The following CHTOP variants were observed in gnomAD, a reference collection of about 807,000 sequenced individuals.
The protein encoded by CHTOP is chromatin target of PRMT1.
Under a neutral mutation model 33.6 loss-of-function variants are expected in CHTOP, and 18 were observed. The ratio of observed to expected loss-of-function variants is 0.54; its 90% confidence interval spans 0.37 to 0.80. The LOEUF is 0.80. CHTOP is among the 30% of genes least tolerant of loss of function. The pLI is 0.00. For missense variants in CHTOP, 263 were observed against 336.8 expected, an observed-to-expected ratio of 0.78 and a Z score of 1.71; for synonymous variants, 117 against 127.7, an observed-to-expected ratio of 0.92 and a Z score of 0.56.
Position 153,636,453 on chromosome 1 carries a change from C to T in CHTOP, c.-17-119C>T, listed in dbSNP as rs1468643310. ...AATTTAAGCACTTGAAATGTGCCCT[C>T]GTGTGCTCTTTAGTCATCAGTGATA... On this transcript the variant is annotated intron_variant, in intron 1 of 5. Transcript: ENST00000368694. 2.8e-5 allele frequency: 18 copies of T among 653,386 alleles called. 1 individual carries two copies. Among genetic ancestry groups the T allele is most frequent in the African/African-American group, 1.7e-4 (9 of 54,540 alleles). 40.5% of individuals were successfully genotyped at this position (653,386 alleles called of 1,614,324 possible). A position where few individuals can be genotyped will look rare whatever the true frequency, so the allele number is the denominator to read the frequency against.
At position 153,645,503 on chromosome 1, in the gene CHTOP, G is replaced by A; in HGVS notation, c.*234G>A. 1 of 448,722 alleles carries A rather than the reference G, an allele frequency of 2.2e-6. No homozygotes were observed. Among genetic ancestry groups the A allele is most frequent in the Non-Finnish European group, 4.0e-6 (1 of 250,576 alleles). The allele number at this position is 448,722 out of a possible 1,614,324, so 27.8% of individuals were successfully genotyped here. On this transcript the variant is annotated 3_prime_UTR_variant, in exon 6 of 6. Transcript: ENST00000368694. ...TTTTTGTTTTTGTTTTTTTAGGGGG[G>A]AGGGGGGGTTTCCCCTCCTTTGCCC...
At chr1:153,644,606 A>G (rs1668739783) in intron 5 of CHTOP, among the ~76,000 whole-genome samples, 2 of 152,228 alleles carry the variant, frequency 1.3e-5, no homozygotes, top group Non-Finnish European at 1.5e-5. Flanking sequence ...ATGACTTTCC[A>G]GAAGGGTCTC....
chr1:153,643,034 G>A (rs1668684652), intron 4 of CHTOP, 193 bp from the exon 5 acceptor site: 3 of 639,646 alleles, frequency 4.7e-6, no homozygotes, highest in East Asian at 2.8e-5. Flanking sequence ...TTCCAAAAAT[G>A]GATTTGTGGT....
At chr1:153,636,735 A>G (rs1316268408) in intron 2 of CHTOP, 82 bp downstream of exon 2, 5 of 1,177,384 alleles carry the variant, frequency 4.2e-6, no homozygotes, top group Non-Finnish European at 5.0e-6. Flanking sequence ...CACAAAGCCA[A>G]TTTTAAGCTA....
Position 153,636,556 on chromosome 1 carries a change from G to T in CHTOP, c.-17-16G>T, listed in dbSNP as rs199856552. 3.1e-5 allele frequency: 49 copies of T among 1,600,936 alleles called. No homozygotes were observed. The highest frequency in any genetic ancestry group is 4.2e-5 in the Non-Finnish European group (49 of 1,169,526). On this transcript the variant is annotated splice_polypyrimidine_tract_variant and intron_variant, in intron 1 of 5. Transcript: ENST00000368694. ...CACTATTGTGATTTGCTCATTTTAC[G>T]TATTGTTCTTTGTAGATTCTCGGGA... is the stretch of plus-strand genomic sequence containing the variant.
chr1:153,636,761 C>T (rs749115166), intron 2 of CHTOP, 108 bp downstream of exon 2: 12 of 890,954 alleles, frequency 1.3e-5, no homozygotes, highest in Non-Finnish European at 2.0e-5. Context: ...CAACAGAAGG[C>T]TACAGACCTC....
intron 3 of CHTOP, among the ~76,000 whole-genome samples, chr1:153,641,553 GTCA>G (rs1436135423): frequency 4.6e-5 from 7 of 152,116 alleles, no homozygotes; most frequent in Non-Finnish European, 1.0e-4. Context: ...TTAATTTAAG[GTCA>G]TCATTGTTTT....
intron 3 of CHTOP, among the ~76,000 whole-genome samples, chr1:153,640,928 GA>G (rs1418845457): frequency 1.3e-5 from 2 of 152,194 alleles, no homozygotes; most frequent in African/African-American, 4.8e-5. Context: ...AATGGGTAAA[GA>G]ACTTCCCAGC....
At chr1:153,635,346 C>T (rs1354248003) in intron 1 of CHTOP, among the ~76,000 whole-genome samples, 1 of 148,948 alleles carries the variant, frequency 6.7e-6, no homozygotes, top group African/African-American at 2.5e-5. Context: ...GAAACGGGGT[C>T]TTACCATGTT....
intron 1 of CHTOP, among the ~76,000 whole-genome samples, chr1:153,635,646 C>T (rs1668354304): frequency 6.6e-6 from 1 of 151,796 alleles, no homozygotes; most frequent in African/African-American, 2.4e-5. Context: ...CGTGGAGAAA[C>T]CCCGTCTCTA....
Position 153,636,358 on chromosome 1 carries a change from G to C in CHTOP, c.-17-214G>C, listed in dbSNP as rs1047676452. ...AATCCTTTGAGGCCAGGAGATTACG[G>C]CTGCAGTGGCCACTGCATTCCAGCC... On this transcript the variant is annotated intron_variant, in intron 1 of 5. Coordinates refer to ENST00000368694, the MANE Select transcript of CHTOP (RefSeq NM_015607.4). Among the ~76,000 whole-genome samples the C allele has an allele frequency of 1.3e-5, 2 of 148,744 alleles. 1 individual carries two copies. The highest frequency in any genetic ancestry group is 5.0e-5 in the African/African-American group (2 of 40,206).
In CHTOP at chr1:153,634,751, C is replaced by T. The variant is rs376844412; in HGVS notation, c.-18+408C>T. 1.0e-4 allele frequency among the ~76,000 whole-genome samples: 13 copies of T among 128,894 alleles called. No individual in the cohort carries two copies. The South Asian group carries it at 1.8e-3, about 18-fold the overall frequency. The allele number at this position is 128,894 out of a possible 152,430, so 84.6% of individuals were successfully genotyped here. A position where few individuals can be genotyped will look rare whatever the true frequency, so the allele number is the denominator to read the frequency against. ...GAAAACCTTTCCTACTCCCCCAGAT[C>T]GTCAGTTTCTTGTTAAAGTCCCTAC... On this transcript the variant is annotated intron_variant, in intron 1 of 5. Coordinates refer to ENST00000368694, the MANE Select transcript of CHTOP (RefSeq NM_015607.4).
At position 153,645,137 on chromosome 1, in the gene CHTOP, C is replaced by T. The variant is rs201741052; in HGVS notation, c.615C>T (p.Ala205=). 16 of 1,614,068 alleles carry T rather than the reference C, an allele frequency of 9.9e-6. No individual in the cohort carries two copies. In the East Asian group the frequency reaches 2.9e-4, roughly 29 times the overall value. The change falls in exon 6 of 6, where the codon GCC becomes GCT. Residue 205 remains alanine, a synonymous_variant. Coordinates refer to ENST00000368694, the MANE Select transcript of CHTOP (RefSeq NM_015607.4). ...RGRGRGRGRG[A]LARPVLTKEQ... ...GAGGCCGTGGACGAGGGAGAGGTGC[C>T]CTTGCTCGCCCTGTATTGACCAAGG...
At chr1:153,644,236 T>C (rs1668724932) in intron 5 of CHTOP, 1 of 152,254 alleles carries the variant, frequency 6.6e-6, no homozygotes, top group South Asian at 2.1e-4. Context: ...GCTTGTTTTC[T>C]TCTCTCCCAT....
At chr1:153,637,927 A>G (rs1229578952) in intron 2 of CHTOP, 1 of 221,750 alleles carries the variant, frequency 4.5e-6, no homozygotes, top group Non-Finnish European at 9.2e-6. Flanking sequence ...ATTTGGCCTT[A>G]GAATGCACCT....
At chr1:153,637,995 C>T in intron 2 of CHTOP, 1 of 336,538 alleles carries the variant, frequency 3.0e-6, no homozygotes, top group Non-Finnish European at 5.6e-6. Flanking sequence ...TCTTCTGTCT[C>T]TTGTCATATC....
At chr1:153,639,462 T>C in intron 3 of CHTOP, 1 of 916,814 alleles carries the variant, frequency 1.1e-6, no homozygotes, top group Non-Finnish European at 1.3e-6. Context: ...GTAAGGGCTT[T>C]GGTAGCATTG....
chr1:153,634,784 T>C (rs1289771385), intron 1 of CHTOP, among the ~76,000 whole-genome samples: 1 of 151,558 alleles, frequency 6.6e-6, no homozygotes, highest in African/African-American at 2.4e-5. Flanking sequence ...TACTTGATTC[T>C]GGAGTTGAAA....
At position 153,645,106 on chromosome 1, in the gene CHTOP, G is replaced by T. The variant is rs201474994; in HGVS notation, c.584G>T (p.Arg195Leu). The T allele has an allele frequency of 1.4e-4, 226 of 1,613,440 alleles. No homozygotes were observed. The highest frequency in any genetic ancestry group is 1.8e-4 in the Non-Finnish European group (214 of 1,179,968). Residue 195 changes from arginine to leucine, a missense_variant, in exon 6 of 6, where the codon CGA (arginine) becomes CTA (leucine). Around this residue, in one of 3 missense-constraint regions of CHTOP, gnomAD observed 168 missense variants for 179.9 expected, o/e 0.93. Transcript: ENST00000368694. ...CGGGGAAGAGGGGGCTTTGGAGGCC[G>T]AGGCCGAGGCCGTGGACGAGGGAGA... ...IGRGRGGFGG[R>L]GRGRGRGRGA...
Sources: allele counts gnomAD v4.1 joint callset (sites outside exome capture counted in the v4.1 genomes callset), GRCh38; gene constraint gnomAD v4.1.1; regional missense constraint gnomAD v4.1.1; transcripts MANE v1.5; gene names NCBI Gene and HGNC (gene_info 2026-07-23, HGNC 2026-07-21).